SDHAF3: variants seen among roughly 807,000 people sequenced by gnomAD.
SDHAF3 encodes the protein succinate dehydrogenase complex assembly factor 3.
SDHAF3 carries 18 observed loss-of-function variants against 11.5 expected under a neutral mutation model. The observed-to-expected ratio is 1.56, with a 90% confidence interval of 1.08 to 2.32. SDHAF3 has a LOEUF of 2.32. Ranked by LOEUF, SDHAF3 falls within the 30% of genes most tolerant of loss-of-function variation. The pLI, the probability that SDHAF3 is intolerant of heterozygous loss-of-function variation, is 0.00. For missense variants in SDHAF3, 200 were observed against 154.4 expected, an observed-to-expected ratio of 1.30 and a Z score of -1.57; for synonymous variants, 72 against 59.3, an observed-to-expected ratio of 1.21 and a Z score of -0.99.
intron 1 of SDHAF3, among the ~76,000 whole-genome samples, chr7:97,141,990 T>G (rs967717388): frequency 4.0e-5 from 6 of 150,322 alleles, no homozygotes; most frequent in Non-Finnish European, 5.9e-5. Flanking sequence ...CCAAATATGC[T>G]AATTACCACA....
At chr7:97,165,503 C>T (rs1789489017) in intron 1 of SDHAF3, among the ~76,000 whole-genome samples, 1 of 151,512 alleles carries the variant, frequency 6.6e-6, no homozygotes, top group South Asian at 2.1e-4. Flanking sequence ...TTTAATAATA[C>T]TTTTTTTGTG....
chr7:97,131,767 A>G (rs1437481459), intron 1 of SDHAF3, among the ~76,000 whole-genome samples: 1 of 152,216 alleles, frequency 6.6e-6, no homozygotes, highest in Non-Finnish European at 1.5e-5. Context: ...CTTTACTAAA[A>G]GAAATGGGCA....
At chr7:97,129,697 C>T (rs10953202) in intron 1 of SDHAF3, among the ~76,000 whole-genome samples, 7,423 of 152,140 alleles carry the variant, frequency 0.049, 553 homozygotes, top group East Asian at 0.29. Context: ...AATCTCTGGC[C>T]GGCAGCACCC....
intron 1 of SDHAF3, among the ~76,000 whole-genome samples, chr7:97,128,332 C>T (rs1434496731): frequency 6.6e-6 from 1 of 152,084 alleles, no homozygotes; most frequent in East Asian, 1.9e-4. Context: ...GATATTACTA[C>T]TTAGGAATAT....
At chr7:97,136,338 G>A (rs752441269) in intron 1 of SDHAF3, 1 of 532,500 alleles carries the variant, frequency 1.9e-6, no homozygotes, top group Admixed American at 3.0e-5. Context: ...CCTGTAATTT[G>A]TTTCTTTGTG....
intron 1 of SDHAF3, among the ~76,000 whole-genome samples, chr7:97,178,481 C>A (rs1216602238): frequency 6.6e-6 from 1 of 152,104 alleles, no homozygotes; most frequent in Non-Finnish European, 1.5e-5. Context: ...ATTTTATATT[C>A]TCATTATCAA....
In SDHAF3 at chr7:97,117,763, A is replaced by G. The variant is rs764738518; in HGVS notation, c.40A>G (p.Lys14Glu). Residue 14 changes from lysine (K) to glutamate (E), a missense_variant, in exon 1 of 2, where the codon AAG becomes GAG. Coordinates refer to ENST00000432641, the MANE Select transcript of SDHAF3 (RefSeq NM_020186.3). Reference sequence around the variant, plus strand: ...CGTTTCTCGAGTCCGGGCATTGTACAAGCGCGTCTTGCAGCTGCACCGTGT... The same window carrying G: ...CGTTTCTCGAGTCCGGGCATTGTACGAGCGCGTCTTGCAGCTGCACCGTGT... ...RHVSRVRALYKRVLQLHRVLP... is the reference protein window; with the variant it reads ...RHVSRVRALYERVLQLHRVLP... 5.0e-6 allele frequency: 8 copies of G among 1,614,152 alleles called. No homozygotes were observed. The highest frequency in any genetic ancestry group is 1.6e-4 in the Middle Eastern group (1 of 6,062).
intron 1 of SDHAF3, among the ~76,000 whole-genome samples, chr7:97,133,640 TCTTA>T (rs751000570): frequency 2.0e-5 from 3 of 152,214 alleles, no homozygotes; most frequent in Admixed American, 6.5e-5. Context: ...TTAAACTACT[TCTTA>T]CTTATTTTTC....
chr7:97,167,083 G>GGAGT (rs996954284), intron 1 of SDHAF3, among the ~76,000 whole-genome samples: 5 of 151,062 alleles, frequency 3.3e-5, no homozygotes, highest in African/African-American at 1.2e-4. Context: ...CAGTTAAAGA[G>GGAGT]GAGTGTGTTA....
At chr7:97,164,092 G>A (rs573376379) in intron 1 of SDHAF3, among the ~76,000 whole-genome samples, 9 of 151,616 alleles carry the variant, frequency 5.9e-5, no homozygotes, top group African/African-American at 1.5e-4. Context: ...TTATAGGCAC[G>A]TGCCACCATG....
chr7:97,161,318 C>G (rs1366485767), intron 1 of SDHAF3, among the ~76,000 whole-genome samples: 1 of 152,104 alleles, frequency 6.6e-6, no homozygotes, highest in African/African-American at 2.4e-5. Context: ...GACACTACCC[C>G]ATCATAAGTC....
intron 1 of SDHAF3, among the ~76,000 whole-genome samples, chr7:97,137,868 C>CTTTTTTT (rs11381462): frequency 1.2e-4 from 8 of 69,098 alleles, no homozygotes; most frequent in East Asian, 4.3e-4. Context: ...ATTCCATTCG[C>CTTTTTTT]TTTTTTTTTT....
At chr7:97,129,955 C>T (rs1165290784) in intron 1 of SDHAF3, among the ~76,000 whole-genome samples, 4 of 152,068 alleles carry the variant, frequency 2.6e-5, no homozygotes, top group South Asian at 2.1e-4. Flanking sequence ...TGGCTTCGTG[C>T]GAGGCTGTGG....
Position 97,117,803 on chromosome 7 carries a change from T to C in SDHAF3, c.80T>C (p.Leu27Pro), listed in dbSNP as rs532151812. The part of the protein sequence containing the change: ...LQLHRVLPPD[L>P]KSLGDQYVKD... The stretch of plus-strand genomic sequence containing the variant: ...CTGCACCGTGTTCTGCCCCCGGACC[T>C]CAAATCCCTGGGCGACCAGTACGTG... The change falls in exon 1 of 2, where the codon CTC becomes CCC. Residue 27 changes from leucine (L) to proline (P), a missense_variant. Physicochemically the swap from Leu to Pro is moderately conservative, Grantham distance 98 (BLOSUM62 -3). Transcript: ENST00000432641. 1.2e-6 allele frequency: 2 copies of C among 1,614,162 alleles called. No individual in the cohort carries two copies. The highest frequency in any genetic ancestry group is 1.3e-5 in the African/African-American group (1 of 75,040).
chr7:97,137,201 C>G (rs746949466), intron 1 of SDHAF3, among the ~76,000 whole-genome samples: 7 of 151,998 alleles, frequency 4.6e-5, no homozygotes, highest in Admixed American at 2.0e-4. Flanking sequence ...AAAGGAGAAC[C>G]CTTTCATGAT....
rs768412756 is a variant in SDHAF3 at position 97,117,787 on chromosome 7, G to T, written c.64G>T (p.Val22Phe). The T allele has an allele frequency of 6.2e-7, 1 of 1,614,206 alleles. No homozygotes were observed. The highest frequency in any genetic ancestry group is 1.7e-5 in the Admixed American group (1 of 60,030). Residue 22 changes from valine to phenylalanine, a missense_variant, in exon 1 of 2, where the codon GTT (valine) becomes TTT (phenylalanine). By Grantham distance (50) the Val-to-Phe change is conservative (BLOSUM62 -1). Transcript: ENST00000432641. ...CAAGCGCGTCTTGCAGCTGCACCGT[G>T]TTCTGCCCCCGGACCTCAAATCCCT... ...LYKRVLQLHR[V>F]LPPDLKSLGD...
rs183024876 is a variant in SDHAF3, at chr7:97,138,697, G to A, written c.174+20800G>A. On this transcript the variant is annotated intron_variant, in intron 1 of 1. Coordinates refer to ENST00000432641, the MANE Select transcript of SDHAF3 (RefSeq NM_020186.3). ...AACAGTACTTACCTCTAAGGTTAAGGATTAAATAAGATAGTATATGCATAA... is the reference window on the plus strand; with the variant it reads ...AACAGTACTTACCTCTAAGGTTAAGAATTAAATAAGATAGTATATGCATAA... Among the ~76,000 whole-genome samples the A allele has an allele frequency of 1.8e-4, 27 of 152,286 alleles. No individual in the cohort carries two copies. In the East Asian group the frequency reaches 4.6e-3, roughly 26 times the overall value.
chr7:97,159,590 T>C (rs1789366791), intron 1 of SDHAF3, among the ~76,000 whole-genome samples: 1 of 152,136 alleles, frequency 6.6e-6, no homozygotes, highest in Non-Finnish European at 1.5e-5. Context: ...AAATAAGTCA[T>C]AACAAACAAC....
rs1405616525 is a variant in SDHAF3 at position 97,121,864 on chromosome 7, T to TG, written c.174+3967_174+3968insG. ...TGGTTTTTTTTTTTTGTTTTTTTTT[T>TG]TTTTGTTTTTGAGATGGAGTCTTCG... On this transcript the variant is annotated intron_variant, in intron 1 of 1. Transcript: ENST00000432641. 2.7e-4 allele frequency among the ~76,000 whole-genome samples: 38 copies of TG among 139,944 alleles called. 1 individual carries two copies. Among genetic ancestry groups the TG allele is most frequent in the Admixed American group, 1.7e-3 (24 of 14,468 alleles). 91.8% of individuals were successfully genotyped at this position (139,944 alleles called of 152,430 possible).
Sources: gnomAD v4.1 joint callset for allele counts (sites outside exome capture counted in the v4.1 genomes callset) on GRCh38, gnomAD v4.1.1 for gene constraint, MANE v1.5 for transcripts, NCBI Gene and HGNC (gene_info 2026-07-23, HGNC 2026-07-21) for gene names.